The following GRK3 variants were observed in gnomAD, a reference collection of about 807,000 sequenced individuals.
GRK3 encodes adrenergic, beta, receptor kinase 2.
A neutral mutation model predicts 95.7 loss-of-function variants in GRK3; 54 were observed. The ratio of observed to expected loss-of-function variants is 0.56; its 90% CI spans 0.45 to 0.71. The LOEUF (loss-of-function observed/expected upper bound fraction) is 0.71. GRK3 is among the 30% of genes least tolerant of loss of function. GRK3 has a pLI of 0.00. For missense variants in GRK3, 649 were observed against 851.2 expected, an observed-to-expected ratio of 0.76 and a Z score of 2.96; for synonymous variants, 281 against 290.8, an observed-to-expected ratio of 0.97 and a Z score of 0.34.
At chr22:25,627,562 C>T (rs1375340943) in intron 2 of GRK3, among the ~76,000 whole-genome samples, 1 of 152,188 alleles carries the variant, frequency 6.6e-6, no homozygotes. Context: ...TTCCTGAAAC[C>T]ATCTGTGACT....
At chr22:25,580,002 G>A (rs1932044232) in intron 1 of GRK3, among the ~76,000 whole-genome samples, 1 of 152,138 alleles carries the variant, frequency 6.6e-6, no homozygotes, top group Non-Finnish European at 1.5e-5. Flanking sequence ...AAATAACTGT[G>A]TACCCCCTAA....
At chr22:25,637,090 C>A (rs139416707) in intron 2 of GRK3, among the ~76,000 whole-genome samples, 1 of 150,774 alleles carries the variant, frequency 6.6e-6, no homozygotes, top group African/African-American at 2.5e-5. Context: ...CATCCTTTCT[C>A]TCTTTTTGAG....
Position 25,581,460 on chromosome 22 carries a change from T to G in GRK3, c.113+16307T>G, listed in dbSNP as rs555789811. 3.9e-5 allele frequency: 6 copies of G among 152,354 alleles called. No homozygotes were observed. The East Asian group carries it at 1.2e-3, about 29-fold the overall frequency. The allele number at this position is 152,354 out of a possible 1,614,324, so 9.4% of individuals were successfully genotyped here. ...GTACTGCATCTCAAACAACTTAGAT[T>G]GACGGGAGGATGATGTGTTTTTTGG... On this transcript the variant is annotated intron_variant, in intron 1 of 20. Transcript: ENST00000324198.
chr22:25,581,808 GAA>G (rs879408747), intron 1 of GRK3, among the ~76,000 whole-genome samples: 1 of 141,168 alleles, frequency 7.1e-6, no homozygotes, highest in African/African-American at 2.6e-5. Flanking sequence ...AAATTTAGCA[GAA>G]AAAAAAAAAA....
intron 19 of GRK3, among the ~76,000 whole-genome samples, chr22:25,720,787 A>C (rs1156847696): frequency 1.3e-5 from 2 of 152,076 alleles, no homozygotes; most frequent in Admixed American, 1.3e-4. Flanking sequence ...TAGACCTTTT[A>C]ATCTTTTAAT....
chr22:25,621,274 G>A (rs1490492078), intron 2 of GRK3, among the ~76,000 whole-genome samples: 2 of 152,244 alleles, frequency 1.3e-5, no homozygotes, highest in Non-Finnish European at 2.9e-5. Context: ...TTGGGGGTCT[G>A]TGAAGTTCCT....
At chr22:25,694,260 A>G (rs913639312) in intron 12 of GRK3, among the ~76,000 whole-genome samples, 1 of 152,136 alleles carries the variant, frequency 6.6e-6, no homozygotes, top group African/African-American at 2.4e-5. Context: ...CGTGGATGAA[A>G]AGGTTGTAGG....
intron 13 of GRK3, among the ~76,000 whole-genome samples, chr22:25,696,279 C>T (rs1000557949): frequency 3.9e-5 from 6 of 152,104 alleles, no homozygotes; most frequent in African/African-American, 1.4e-4. Context: ...CACACCTAGC[C>T]GGTAAACCCA....
At chr22:25,716,467 G>A (rs776536750) in intron 18 of GRK3, among the ~76,000 whole-genome samples, 82 of 152,288 alleles carry the variant, frequency 5.4e-4, no homozygotes, top group Non-Finnish European at 9.1e-4. Context: ...ATGTTCAAGT[G>A]TATCCTTCTA....
At chr22:25,683,161 G>A (rs535589680) in intron 9 of GRK3, among the ~76,000 whole-genome samples, 3 of 152,242 alleles carry the variant, frequency 2.0e-5, no homozygotes, top group Admixed American at 6.5e-5. Flanking sequence ...GATTATATGC[G>A]GCCTGCAAGG....
At chr22:25,680,708 T>C (rs1252252979) in intron 9 of GRK3, among the ~76,000 whole-genome samples, 1 of 152,214 alleles carries the variant, frequency 6.6e-6, no homozygotes, top group Non-Finnish European at 1.5e-5. Flanking sequence ...TATTTAGATA[T>C]CAAAACTGTA....
At chr22:25,637,453 T>C (rs1398309415) in intron 2 of GRK3, among the ~76,000 whole-genome samples, 1 of 152,252 alleles carries the variant, frequency 6.6e-6, no homozygotes, top group Non-Finnish European at 1.5e-5. Flanking sequence ...TGCTGAATAG[T>C]ATTCCACTGT....
chr22:25,582,940 A>G (rs955281701), intron 1 of GRK3, among the ~76,000 whole-genome samples: 4 of 152,250 alleles, frequency 2.6e-5, no homozygotes, highest in African/African-American at 9.6e-5. Flanking sequence ...ATACGAGGAC[A>G]TGAATGAAAA....
chr22:25,623,292 C>T (rs1016033345), intron 2 of GRK3, among the ~76,000 whole-genome samples: 2 of 152,170 alleles, frequency 1.3e-5, no homozygotes, highest in African/African-American at 2.4e-5. Context: ...CTAGCTAATG[C>T]GCAGAAAGAT....
intron 1 of GRK3, among the ~76,000 whole-genome samples, chr22:25,579,801 C>G (rs1373276883): frequency 1.3e-5 from 2 of 151,856 alleles, no homozygotes; most frequent in Non-Finnish European, 2.9e-5. Context: ...AGAATGGCAG[C>G]AAATTAATGT....
intron 9 of GRK3, among the ~76,000 whole-genome samples, chr22:25,682,888 C>T (rs1252500235): frequency 6.6e-6 from 1 of 152,232 alleles, no homozygotes; most frequent in Non-Finnish European, 1.5e-5. Flanking sequence ...CATATTTTAG[C>T]TTTGCAAATT....
intron 17 of GRK3, among the ~76,000 whole-genome samples, chr22:25,711,953 AT>A (rs2085347430): frequency 6.6e-6 from 1 of 152,262 alleles, no homozygotes; most frequent in South Asian, 2.1e-4. Flanking sequence ...GACAAGTAAA[AT>A]GCAAGGGCCT....
intron 4 of GRK3, among the ~76,000 whole-genome samples, chr22:25,663,002 T>G (rs2084919394): frequency 6.6e-6 from 1 of 152,116 alleles, no homozygotes; most frequent in Non-Finnish European, 1.5e-5. Flanking sequence ...GACTTTGTAA[T>G]CCTGACATTA....
intron 13 of GRK3, among the ~76,000 whole-genome samples, chr22:25,699,419 A>G (rs749233536): frequency 6.6e-5 from 10 of 152,088 alleles, no homozygotes; most frequent in Non-Finnish European, 1.3e-4. Context: ...ACACTGGGCA[A>G]TGGCTGGAGG....
Sources: allele counts gnomAD v4.1 joint callset (sites outside exome capture counted in the v4.1 genomes callset), GRCh38; gene constraint gnomAD v4.1.1; transcripts MANE v1.5; gene names NCBI Gene and HGNC (gene_info 2026-07-23, HGNC 2026-07-21).